The following TENT4A variants were observed in gnomAD, a reference collection of about 807,000 sequenced individuals.
The protein encoded by TENT4A is terminal nucleotidyltransferase 4A, also known as DNA polymerase kappa.
Under a neutral mutation model 72.8 loss-of-function variants are expected in TENT4A, and 7 were observed. The observed-to-expected ratio is 0.10, with a 90% CI of 0.05 to 0.18. The LOEUF is 0.18. Among genes scored for constraint, TENT4A ranks in the 10% least tolerant of loss-of-function variants. TENT4A has a pLI of 1.00. For synonymous variants in TENT4A, 456 were observed against 434.3 expected (o/e 1.05, Z -0.62); for missense variants, 831 against 1,017.7 (o/e 0.82, Z 2.50).
intron 2 of TENT4A, among the ~76,000 whole-genome samples, chr5:6,737,948 A>G (rs1243476908): frequency 5.0e-5 from 6 of 120,722 alleles, no homozygotes; most frequent in Non-Finnish European, 8.4e-5. Context: ...GAATGGTGTG[A>G]TTGTTTCTCT....
chr5:6,725,056 T>C (rs571731024), intron 1 of TENT4A, among the ~76,000 whole-genome samples: 4 of 152,230 alleles, frequency 2.6e-5, no homozygotes, highest in Non-Finnish European at 5.9e-5. Flanking sequence ...GTGCAATGGC[T>C]CACGCCTGTA....
chr5:6,724,948 T>C lies in TENT4A; in HGVS notation c.716+10249T>C, dbSNP rs906271496. On this transcript the variant is annotated intron_variant, in intron 1 of 12. Coordinates refer to ENST00000230859, the MANE Select transcript of TENT4A (RefSeq NM_006999.6). Reference sequence around the variant, plus strand: ...TGTAAAGCAGGCATTGGAGTCCAGGTAGTCTCACTCCGTAGCCTGTCTCTT... The same window carrying C: ...TGTAAAGCAGGCATTGGAGTCCAGGCAGTCTCACTCCGTAGCCTGTCTCTT... Among the ~76,000 whole-genome samples, 4 of 152,306 alleles carry C rather than the reference T, an allele frequency of 2.6e-5. No individual in the cohort carries two copies. The South Asian group carries it at 6.2e-4, about 24-fold the overall frequency.
chr5:6,736,714 C>G (rs1213332819), intron 1 of TENT4A, among the ~76,000 whole-genome samples: 2 of 152,204 alleles, frequency 1.3e-5, no homozygotes, highest in Non-Finnish European at 2.9e-5. Flanking sequence ...GACAGGAGAT[C>G]AGCACCTTTG....
intron 4 of TENT4A, among the ~76,000 whole-genome samples, chr5:6,741,575 T>C (rs1741808369): frequency 6.6e-6 from 1 of 152,258 alleles, no homozygotes; most frequent in East Asian, 1.9e-4. Flanking sequence ...TATTTCTTTC[T>C]CTGCCTTCTT....
chr5:6,746,753 A>C (rs757854807), intron 7 of TENT4A, among the ~76,000 whole-genome samples: 2 of 152,244 alleles, frequency 1.3e-5, no homozygotes, highest in Non-Finnish European at 1.5e-5. Flanking sequence ...CATGGATGCC[A>C]TAATCCCCTT....
chr5:6,743,512 C>T (rs918014841), intron 5 of TENT4A, among the ~76,000 whole-genome samples, 200 bp from the exon 6 acceptor site: 3 of 152,166 alleles, frequency 2.0e-5, no homozygotes, highest in Non-Finnish European at 4.4e-5. Context: ...GAGAGCTCCA[C>T]AGTCTCGATT....
intron 11 of TENT4A, 86 bp downstream of exon 11, chr5:6,751,283 C>A: frequency 7.3e-7 from 1 of 1,361,436 alleles, no homozygotes; most frequent in Non-Finnish European, 1.0e-6. Flanking sequence ...GATTGATGGT[C>A]CTTTGAATTA....
At chr5:6,742,702 T>G in intron 5 of TENT4A, 105 bp downstream of exon 5, 1 of 701,682 alleles carries the variant, frequency 1.4e-6, no homozygotes, top group South Asian at 1.6e-5. Flanking sequence ...CACAAGTCTT[T>G]CGTAACACAG....
At chr5:6,728,524 C>T (rs554249242) in intron 1 of TENT4A, among the ~76,000 whole-genome samples, 4 of 152,292 alleles carry the variant, frequency 2.6e-5, no homozygotes, top group Non-Finnish European at 5.9e-5. Context: ...TTTGGCAGGG[C>T]AGGGACGTGT....
Position 6,750,322 on chromosome 5 carries a change from C to T in TENT4A, c.1688-9C>T, listed in dbSNP as rs1579498494. ...AGGAGTTATTAACCAAGGCTTTTTC[C>T]CTCCACAGACAGCAGGATCAAGATC... On this transcript the variant is annotated splice_polypyrimidine_tract_variant and intron_variant, in intron 9 of 12. Coordinates refer to ENST00000230859, the MANE Select transcript of TENT4A (RefSeq NM_006999.6). 1 of 1,601,526 alleles carries T rather than the reference C, an allele frequency of 6.2e-7. No individual in the cohort carries two copies.
chr5:6,752,406 A>G (rs1332645486), intron 11 of TENT4A, among the ~76,000 whole-genome samples: 6 of 152,252 alleles, frequency 3.9e-5, no homozygotes. Context: ...TCGTTAGCGC[A>G]CTTCTGCTGC....
intron 5 of TENT4A, among the ~76,000 whole-genome samples, chr5:6,742,898 G>T (rs988369401): frequency 6.6e-6 from 1 of 152,076 alleles, no homozygotes; most frequent in Non-Finnish European, 1.5e-5. Context: ...TGCCTCATTC[G>T]CAGGTTTTAC....
At chr5:6,717,129 C>T (rs1382590342) in intron 1 of TENT4A, among the ~76,000 whole-genome samples, 1 of 152,220 alleles carries the variant, frequency 6.6e-6, no homozygotes, top group Non-Finnish European at 1.5e-5. Context: ...TATAAACTAA[C>T]CTTTTTGTAT....
chr5:6,749,728 C>G (rs3822437), intron 9 of TENT4A, 71 bp downstream of exon 9: 41,977 of 994,684 alleles, frequency 0.042, 1,344 homozygotes, highest in South Asian at 0.097. Context: ...GTCTCTATTC[C>G]TTTGTGGTAA....
intron 1 of TENT4A, among the ~76,000 whole-genome samples, chr5:6,724,418 G>T (rs1002340987): frequency 2.0e-5 from 3 of 152,234 alleles, no homozygotes; most frequent in African/African-American, 7.2e-5. Flanking sequence ...TGCATGTCCT[G>T]TGAAATGCAA....
At chr5:6,718,757 G>A (rs1350548738) in intron 1 of TENT4A, among the ~76,000 whole-genome samples, 2 of 152,144 alleles carry the variant, frequency 1.3e-5, no homozygotes, top group African/African-American at 2.4e-5. Context: ...ATTGAAAATC[G>A]AGTGCAAGAC....
At chr5:6,733,936 G>A (rs1485731024) in intron 1 of TENT4A, among the ~76,000 whole-genome samples, 1 of 152,176 alleles carries the variant, frequency 6.6e-6, no homozygotes, top group Non-Finnish European at 1.5e-5. Flanking sequence ...GGGATAGTTG[G>A]CGATTTAAAT....
chr5:6,726,295 G>A (rs1274168967), intron 1 of TENT4A, among the ~76,000 whole-genome samples: 1 of 152,118 alleles, frequency 6.6e-6, no homozygotes, highest in African/African-American at 2.4e-5. Context: ...CTGCAGTCTC[G>A]TCTCTGCCTG....
At position 6,755,749 on chromosome 5, in the gene TENT4A, C is replaced by G. The variant is rs1311890267; in HGVS notation, c.*804C>G. The G allele has an allele frequency of 2.6e-5, 4 of 152,222 alleles. No individual in the cohort carries two copies. Among genetic ancestry groups the G allele is most frequent in the Non-Finnish European group, 5.9e-5 (4 of 68,030 alleles). 9.4% of individuals were successfully genotyped at this position (152,222 alleles called of 1,614,324 possible). ...ACTGCCCGTGGCCCTGCTGTCGGGC[C>G]CCAGGCCGTTGTCCTGCTCTGACCA... On this transcript the variant is annotated 3_prime_UTR_variant, in exon 13 of 13. Transcript: ENST00000230859.
Sources: allele counts gnomAD v4.1 joint callset (sites outside exome capture counted in the v4.1 genomes callset), GRCh38; gene constraint gnomAD v4.1.1; transcripts MANE v1.5; gene names NCBI Gene and HGNC (gene_info 2026-07-23, HGNC 2026-07-21).